NUP98: variants seen among roughly 807,000 people sequenced by gnomAD.
NUP98 encodes nuclear pore complex protein Nup98-Nup96.
A neutral mutation model predicts 191.9 loss-of-function variants in NUP98; 26 were observed. The ratio of observed to expected loss-of-function variants is 0.14; its 90% CI spans 0.10 to 0.19. The LOEUF is 0.19. Ranked by LOEUF, NUP98 falls within the 10% of genes least tolerant of loss-of-function variation. The pLI, the probability that NUP98 is intolerant of heterozygous loss-of-function variation, is 1.00. For missense variants in NUP98, 1,941 were observed against 2,178.8 expected, an observed-to-expected ratio of 0.89 and a Z score of 2.17; for synonymous variants, 808 against 778.4, an observed-to-expected ratio of 1.04 and a Z score of -0.63.
intron 7 of NUP98, 48 bp from the exon 8 acceptor site, chr11:3,768,792 T>G (rs1168602164): frequency 1.4e-6 from 2 of 1,401,102 alleles, no homozygotes; most frequent in Non-Finnish European, 1.9e-6. Flanking sequence ...ATAAAAAAAA[T>G]GTAAACACCC....
At position 3,676,162 on chromosome 11, in the gene NUP98, C is replaced by T. The variant is rs370864863; in HGVS notation, c.5400G>A (p.Leu1800=). 6.2e-6 allele frequency: 10 copies of T among 1,613,666 alleles called. No individual in the cohort carries two copies. Among genetic ancestry groups the T allele is most frequent in the Non-Finnish European group, 8.5e-6 (10 of 1,179,948 alleles). The change falls in exon 33 of 33, where the codon CTG becomes CTA. Residue 1800 remains leucine, a synonymous_variant. Coordinates refer to ENST00000324932, the MANE Select transcript of NUP98 (RefSeq NM_016320.5). ...TGTGATGCAAAGTGCCTGGGGCTCACAGGCTCCCAACAGCCAGTTCTCGCA... is the reference window on the plus strand; with the variant it reads ...TGTGATGCAAAGTGCCTGGGGCTCATAGGCTCCCAACAGCCAGTTCTCGCA... ...SYLRELAVGS[L]
At chr11:3,684,243 G>A (rs1432385325) in intron 29 of NUP98, among the ~76,000 whole-genome samples, 1 of 151,388 alleles carries the variant, frequency 6.6e-6, no homozygotes, top group Non-Finnish European at 1.5e-5. Flanking sequence ...CAAACACATA[G>A]CATTAATTTT....
chr11:3,757,191 TC>T (rs1356379461), intron 10 of NUP98, among the ~76,000 whole-genome samples: 1 of 151,132 alleles, frequency 6.6e-6, no homozygotes, highest in Non-Finnish European at 1.5e-5. Flanking sequence ...CTTATAGTGT[TC>T]AGATAAAAAT....
chr11:3,712,807 A>T (rs2079060020), intron 19 of NUP98, 79 bp from the exon 20 acceptor site: 1 of 1,437,560 alleles, frequency 7.0e-7, no homozygotes, highest in Non-Finnish European at 9.5e-7. Flanking sequence ...TTGCAGCATT[A>T]CCTTAAGAAA....
At position 3,791,840 on chromosome 11, in the gene NUP98, TAAAA is replaced by T. The variant is rs148173966; in HGVS notation, c.-29+5556_-29+5559del. Among the ~76,000 whole-genome samples the T allele has an allele frequency of 1.5e-3, 175 of 112,946 alleles. 3 individuals are homozygous for T. In the East Asian group the frequency reaches 0.034, roughly 22 times the overall value. The allele number at this position is 112,946 out of a possible 152,430, so 74.1% of individuals were successfully genotyped here. On this transcript the variant is annotated intron_variant, in intron 1 of 32. Coordinates refer to ENST00000324932, the MANE Select transcript of NUP98 (RefSeq NM_016320.5). ...CTAGGCGACAGAGTGAGACTACATC[TAAAA>T]AAAAAAAAAAAAAAATTTTGATACA... is the stretch of plus-strand genomic sequence containing the variant.
Position 3,679,671 on chromosome 11 carries a change from C to A in NUP98, c.4956G>T (p.Gly1652=), listed in dbSNP as rs552918262. The A allele has an allele frequency of 1.5e-5, 24 of 1,614,116 alleles. No individual in the cohort carries two copies. The East Asian group carries it at 4.7e-4, about 31-fold the overall frequency. ...CTGGAGGTGCCAGGTCTTCCAAGAACCCCTTCAGGTAGTCATAGTTCTCAT... is the reference window on the plus strand; with the variant it reads ...CTGGAGGTGCCAGGTCTTCCAAGAAACCCTTCAGGTAGTCATAGTTCTCAT... ...IINENYDYLK[G]FLEDLAPPER... is the part of the protein sequence containing the mutation. Residue 1652 remains glycine (G), a synonymous_variant, in exon 31 of 33, where the codon GGG becomes GGT. Transcript: ENST00000324932.
At chr11:3,720,975 A>AGTGTGTGTGTGTGTGTGTGTGTGTGT (rs55984201) in intron 16 of NUP98, 150 bp from the exon 17 acceptor site, 7 of 324,496 alleles carry the variant, frequency 2.2e-5, no homozygotes, top group African/African-American at 6.8e-5. Flanking sequence ...GGGGTGTGTG[A>AGTGTGTGTGTGTGTGTGTGTGTGTGT]GTGTGTGTGT....
chr11:3,708,615 T>C (rs1357578957), intron 20 of NUP98, among the ~76,000 whole-genome samples: 1 of 151,766 alleles, frequency 6.6e-6, no homozygotes, highest in Non-Finnish European at 1.5e-5. Context: ...TTGAAGTATA[T>C]CTAAGTAACT....
At chr11:3,751,056 C>T (rs542881491) in intron 11 of NUP98, among the ~76,000 whole-genome samples, 1 of 152,130 alleles carries the variant, frequency 6.6e-6, no homozygotes, top group South Asian at 2.1e-4. Flanking sequence ...GGTGTAGTTT[C>T]CATTTAAAAA....
At chr11:3,745,694 T>A (rs779151670) in intron 11 of NUP98, among the ~76,000 whole-genome samples, 1 of 151,942 alleles carries the variant, frequency 6.6e-6, no homozygotes, top group African/African-American at 2.4e-5. Flanking sequence ...GCGAAAGTAA[T>A]CCTCCCACCT....
chr11:3,677,670 T>G (rs1184402438), intron 31 of NUP98, among the ~76,000 whole-genome samples: 1 of 152,198 alleles, frequency 6.6e-6, no homozygotes, highest in East Asian at 1.9e-4. Flanking sequence ...TGTTTACCTT[T>G]ATATTCCCCA....
chr11:3,740,240 G>A (rs2080231373), intron 12 of NUP98, among the ~76,000 whole-genome samples: 1 of 152,170 alleles, frequency 6.6e-6, no homozygotes, highest in Admixed American at 6.5e-5. Context: ...GCCAGGCGCG[G>A]TGGCTCACAC....
chr11:3,690,124 G>A (rs35934974), intron 28 of NUP98, among the ~76,000 whole-genome samples: 32,581 of 150,594 alleles, frequency 0.22, 3,655 homozygotes, highest in Middle Eastern at 0.26. Flanking sequence ...GCTAATTTTC[G>A]TATTTTTAGT....
At chr11:3,702,983 A>T in intron 22 of NUP98, 91 bp from the exon 23 acceptor site, 1 of 1,066,530 alleles carries the variant, frequency 9.4e-7, no homozygotes, top group South Asian at 1.6e-5. Context: ...TAAGGCTGAA[A>T]TCATTCAATG....
intron 7 of NUP98, among the ~76,000 whole-genome samples, chr11:3,771,499 G>C (rs2081530129): frequency 6.6e-6 from 1 of 151,992 alleles, no homozygotes; most frequent in African/African-American, 2.4e-5. Context: ...TGTACAACTT[G>C]CTCCTTCATC....
At chr11:3,738,653 C>A (rs527379800) in intron 12 of NUP98, among the ~76,000 whole-genome samples, 1 of 152,052 alleles carries the variant, frequency 6.6e-6, no homozygotes, top group South Asian at 2.1e-4. Context: ...GTGACACATA[C>A]CTGTAGTCCC....
chr11:3,778,683 G>C (rs754638759), intron 4 of NUP98, among the ~76,000 whole-genome samples, 190 bp downstream of exon 4: 3 of 152,134 alleles, frequency 2.0e-5, no homozygotes, highest in Non-Finnish European at 4.4e-5. Context: ...TATCCTTATA[G>C]AAATGTACAT....
chr11:3,791,163 G>C (rs1278269440), intron 1 of NUP98, among the ~76,000 whole-genome samples: 3 of 152,000 alleles, frequency 2.0e-5, no homozygotes, highest in Admixed American at 6.6e-5. Context: ...CCAAAGTGCT[G>C]GGATTACAGG....
At chr11:3,714,717 T>C (rs2079122293) in intron 18 of NUP98, 1 of 157,054 alleles carries the variant, frequency 6.4e-6, no homozygotes, top group African/African-American at 2.4e-5. Context: ...TTATAGCATA[T>C]ATCAGAATTT....
Sources: gnomAD v4.1 joint callset for allele counts (sites outside exome capture counted in the v4.1 genomes callset) on GRCh38, gnomAD v4.1.1 for gene constraint, MANE v1.5 for transcripts, NCBI Gene and HGNC (gene_info 2026-07-23, HGNC 2026-07-21) for gene names.